The following MYO3A variants were observed in gnomAD, a reference collection of about 807,000 sequenced individuals.
The protein encoded by MYO3A is myosin-IIIa.
Under a neutral mutation model 192.7 loss-of-function variants are expected in MYO3A, and 180 were observed. The observed-to-expected ratio is 0.93, with a 90% CI of 0.83 to 1.06. The LOEUF is 1.06. Among genes scored for constraint, MYO3A ranks in the 50% least tolerant of loss-of-function variants. MYO3A has a pLI of 0.00. For missense variants in MYO3A, 1,896 were observed against 1,905.0 expected (o/e 1.00, Z 0.09); for synonymous variants, 628 against 645.3 (o/e 0.97, Z 0.41).
In MYO3A at chr10:26,166,304, GAAGTAAAGTTAT is replaced by G. The variant is rs67163154; in HGVS notation, c.3111+129_3111+140del. The stretch of plus-strand genomic sequence containing the variant: ...ATAGAATCTATAACTTACAATAGAG[GAAGTAAAGTTAT>G]AAACTCATAAAGATTTTCTTTTTCG... On this transcript the variant is annotated intron_variant, in intron 27 of 34. Transcript: ENST00000642920. 66,686 of 838,386 alleles carry G rather than the reference GAAGTAAAGTTAT, an allele frequency of 0.08. 3,066 individuals carry two copies. The highest frequency in any genetic ancestry group is 0.11 in the African/African-American group (6,730 of 58,768). 51.9% of individuals were successfully genotyped at this position (838,386 alleles called of 1,614,324 possible). A position where few individuals can be genotyped will look rare whatever the true frequency, so the allele number is the denominator to read the frequency against.
At chr10:26,118,452 C>G (rs942839320) in intron 17 of MYO3A, among the ~76,000 whole-genome samples, 1 of 152,080 alleles carries the variant, frequency 6.6e-6, no homozygotes, top group Non-Finnish European at 1.5e-5. Context: ...CTGTTATATC[C>G]AAGCCACTGT....
intron 26 of MYO3A, among the ~76,000 whole-genome samples, chr10:26,159,767 C>T (rs1841388905): frequency 1.3e-5 from 2 of 152,006 alleles, no homozygotes; most frequent in South Asian, 4.1e-4. Context: ...TGATGGAGAT[C>T]AAAATTACAT....
chr10:26,168,659 A>C, intron 27 of MYO3A, 53 bp from the exon 28 acceptor site: 1 of 1,548,506 alleles, frequency 6.5e-7, no homozygotes, highest in South Asian at 1.1e-5. Flanking sequence ...ACAGCACATA[A>C]CTGCTTCACA....
At chr10:26,106,868 CT>C (rs1406593453) in intron 17 of MYO3A, among the ~76,000 whole-genome samples, 1 of 152,028 alleles carries the variant, frequency 6.6e-6, no homozygotes, top group African/African-American at 2.4e-5. Flanking sequence ...ATTTCTGTAT[CT>C]ATGAGCTAGT....
intron 11 of MYO3A, among the ~76,000 whole-genome samples, chr10:26,068,128 G>T (rs12772553): frequency 0.48 from 72,132 of 151,840 alleles, 17,932 homozygotes; most frequent in Middle Eastern, 0.59. Flanking sequence ...TGTTGACCAA[G>T]ATATTAATAT....
At chr10:26,075,221 G>A (rs1169646135) in intron 14 of MYO3A, among the ~76,000 whole-genome samples, 1 of 148,470 alleles carries the variant, frequency 6.7e-6, no homozygotes, top group Non-Finnish European at 1.5e-5. Flanking sequence ...GGTTAGTTGA[G>A]GTTTTTTATT....
Position 26,173,673 on chromosome 10 carries a change from G to A in MYO3A, c.3409G>A (p.Val1137Met), listed in dbSNP as rs35449183. The A allele has an allele frequency of 4.6e-5, 74 of 1,613,156 alleles. No homozygotes were observed. In the East Asian group the frequency reaches 5.8e-4, roughly 13 times the overall value. ...ATATATTTTACACAGGGAATCTTTC[G>A]TGAAGAAACAAGCAGAAAATGCAAT... The part of the protein sequence containing the change: ...KNFENTRESF[V>M]KKQAENAISA... Residue 1137 changes from valine (V) to methionine (M), a missense_variant, in exon 30 of 35, where the codon GTG (valine) becomes ATG (methionine). Physicochemically the swap from Val to Met is conservative, Grantham distance 21. Coordinates refer to ENST00000642920, the MANE Select transcript of MYO3A (RefSeq NM_017433.5).
chr10:26,088,870 TGC>T (rs1365356624), intron 15 of MYO3A, among the ~76,000 whole-genome samples: 1 of 152,246 alleles, frequency 6.6e-6, no homozygotes, highest in Non-Finnish European at 1.5e-5. Flanking sequence ...GACCTTTTAT[TGC>T]TGGCTGATTT....
At chr10:26,145,645 G>A in intron 22 of MYO3A, 111 bp downstream of exon 22, 1 of 898,786 alleles carries the variant, frequency 1.1e-6, no homozygotes, top group Non-Finnish European at 1.8e-6. Context: ...TAATGTCATA[G>A]CTGTCTGTTT....
intron 17 of MYO3A, among the ~76,000 whole-genome samples, chr10:26,102,386 T>G (rs920510807): frequency 2.0e-5 from 3 of 152,218 alleles, no homozygotes; most frequent in Non-Finnish European, 4.4e-5. Context: ...TCATCTGAAG[T>G]CTTCTTCTCT....
At chr10:25,989,965 T>C (rs967374565) in intron 4 of MYO3A, among the ~76,000 whole-genome samples, 5 of 152,040 alleles carry the variant, frequency 3.3e-5, no homozygotes, top group African/African-American at 1.2e-4. Flanking sequence ...GGATCAAGGA[T>C]TTGTGGGGTC....
intron 6 of MYO3A, among the ~76,000 whole-genome samples, chr10:26,011,075 A>G (rs139398637): frequency 8.1e-4 from 124 of 152,174 alleles, no homozygotes; most frequent in African/African-American, 2.8e-3. Flanking sequence ...CAGTGGTGCA[A>G]TCTTTCGGCT....
At chr10:26,141,088 C>T (rs530295704) in intron 20 of MYO3A, among the ~76,000 whole-genome samples, 32 of 152,180 alleles carry the variant, frequency 2.1e-4, no homozygotes, top group African/African-American at 4.1e-4. Context: ...CCACCACACC[C>T]GGCTAATTTT....
At chr10:26,206,735 C>T (rs181238949) in intron 34 of MYO3A, among the ~76,000 whole-genome samples, 1 of 152,220 alleles carries the variant, frequency 6.6e-6, no homozygotes, top group African/African-American at 2.4e-5. Flanking sequence ...AGGCGTGAGC[C>T]ACCGCGCCCA....
At chr10:26,088,709 A>T (rs950427263) in intron 15 of MYO3A, among the ~76,000 whole-genome samples, 2 of 152,224 alleles carry the variant, frequency 1.3e-5, no homozygotes, top group South Asian at 2.1e-4. Context: ...ATATTTATCT[A>T]TACAAAATTA....
rs754007998 is a variant in MYO3A, at chr10:26,157,387, G to A, written c.2871G>A (p.Glu957=). The part of the protein sequence containing the change: ...HFVRCIKPNS[E]RQARKYDKEK... ...TCCGTTGCATCAAACCAAATAGTGA[G>A]CGTCAGGCAAGAAAATATGACAAAG... Residue 957 remains glutamate (E), a synonymous_variant, in exon 26 of 35, where the codon GAG becomes GAA. Coordinates refer to ENST00000642920, the MANE Select transcript of MYO3A (RefSeq NM_017433.5). 3.7e-6 allele frequency: 6 copies of A among 1,614,124 alleles called. No individual in the cohort carries two copies. The highest frequency in any genetic ancestry group is 5.1e-6 in the Non-Finnish European group (6 of 1,180,000).
intron 33 of MYO3A, 154 bp from the exon 34 acceptor site, chr10:26,202,810 T>C: frequency 1.2e-6 from 1 of 819,866 alleles, no homozygotes; most frequent in South Asian, 1.8e-5. Context: ...GGATACACTG[T>C]TTTTCCCACA....
rs1157509311 is a variant in MYO3A, at chr10:26,066,901, T to A, written c.954-74T>A. ...ACAGATTCCTAGAGGATTTTCAGTA[T>A]CATATGTATCTAAAACTTTTTTCCA... On this transcript the variant is annotated intron_variant, in intron 10 of 34. Transcript: ENST00000642920. 4 of 919,272 alleles carry A rather than the reference T, an allele frequency of 4.4e-6. No homozygotes were observed. In the Admixed American group the frequency reaches 7.0e-5, roughly 16 times the overall value. The allele number at this position is 919,272 out of a possible 1,614,324, so 56.9% of individuals were successfully genotyped here.
chr10:26,110,582 C>T (rs942317394), intron 17 of MYO3A, among the ~76,000 whole-genome samples: 2 of 152,140 alleles, frequency 1.3e-5, no homozygotes, highest in African/African-American at 2.4e-5. Context: ...TTCACCATAG[C>T]ACCTTTTGTC....
Sources: gnomAD v4.1 joint callset for allele counts (sites outside exome capture counted in the v4.1 genomes callset) on GRCh38, gnomAD v4.1.1 for gene constraint, MANE v1.5 for transcripts, NCBI Gene and HGNC (gene_info 2026-07-23, HGNC 2026-07-21) for gene names.